Variants in TASP1 observed in about 807,000 individuals in gnomAD.
TASP1 encodes taspase 1.
Under a neutral mutation model 56.6 loss-of-function variants are expected in TASP1, and 16 were observed. That is an observed-to-expected ratio of 0.28 (90% CI 0.19 to 0.43). The LOEUF (loss-of-function observed/expected upper bound fraction) is 0.43, where lower values mean the gene tolerates loss of function less well. TASP1 is among the 20% of genes least tolerant of loss of function. TASP1 has a pLI of 1.00. For synonymous variants in TASP1, 179 were observed against 184.2 expected, an observed-to-expected ratio of 0.97 and a Z score of 0.23; for missense variants, 393 against 511.6, an observed-to-expected ratio of 0.77 and a Z score of 2.24.
At chr20:13,208,069 T>G in the TASP1 span, among the ~76,000 whole-genome samples, 1 of 152,254 alleles carries the variant, frequency 6.6e-6, no homozygotes, top group African/African-American at 2.4e-5. Flanking sequence ...AGTATCATTT[T>G]TCTTTGATCA....
intron 4 of TASP1, among the ~76,000 whole-genome samples, chr20:13,589,916 T>C (rs1057426361): frequency 6.6e-6 from 1 of 151,958 alleles, no homozygotes; most frequent in African/African-American, 2.4e-5. Context: ...AAAAAATAAA[T>C]AGATAAAAAT....
At chr20:13,199,271 C>T in the TASP1 span, among the ~76,000 whole-genome samples, 1 of 152,014 alleles carries the variant, frequency 6.6e-6, no homozygotes, top group Non-Finnish European at 1.5e-5. Context: ...GGCACATGCT[C>T]ATTATTCTCC....
chr20:13,334,703 TG>T, the TASP1 span, among the ~76,000 whole-genome samples: 2 of 152,210 alleles, frequency 1.3e-5, no homozygotes, highest in Non-Finnish European at 2.9e-5. Flanking sequence ...CTAAAGCACA[TG>T]GGTCTAGTAT....
chr20:13,348,426 C>T, the TASP1 span, among the ~76,000 whole-genome samples: 1 of 152,066 alleles, frequency 6.6e-6, no homozygotes, highest in Non-Finnish European at 1.5e-5. Flanking sequence ...TCTTTGGAAC[C>T]CCCCGTGGAA....
At chr20:13,440,385 A>T (rs180974003) in intron 11 of TASP1, among the ~76,000 whole-genome samples, 12 of 152,288 alleles carry the variant, frequency 7.9e-5, no homozygotes, top group African/African-American at 2.6e-4. Flanking sequence ...ATTCCAGATG[A>T]CACAGCTATG....
intron 11 of TASP1, 90 bp from the exon 12 acceptor site, chr20:13,435,244 ATG>A: frequency 1.0e-6 from 1 of 964,834 alleles, no homozygotes; most frequent in Non-Finnish European, 1.6e-6. Flanking sequence ...AAAATGTGGC[ATG>A]AATAAGAAAA....
the TASP1 span, among the ~76,000 whole-genome samples, chr20:13,281,703 T>C: frequency 2.6e-3 from 398 of 152,050 alleles, 1 homozygote; most frequent in African/African-American, 9.3e-3. Flanking sequence ...AGTGCTTAGG[T>C]TGGAAGATAG....
At chr20:13,408,682 G>A (rs1041419137) in intron 13 of TASP1, among the ~76,000 whole-genome samples, 3 of 152,068 alleles carry the variant, frequency 2.0e-5, no homozygotes, top group Admixed American at 2.0e-4. Flanking sequence ...TCTTAAATAT[G>A]TAAATGGTTA....
At chr20:13,505,537 A>G (rs2044098514) in intron 10 of TASP1, among the ~76,000 whole-genome samples, 1 of 152,174 alleles carries the variant, frequency 6.6e-6, no homozygotes, top group South Asian at 2.1e-4. Context: ...AAAAACTCTT[A>G]ACAAATTTAA....
chr20:13,123,019 C>T, the TASP1 span, among the ~76,000 whole-genome samples: 21,051 of 152,158 alleles, frequency 0.14, 2,315 homozygotes, highest in African/African-American at 0.31. Context: ...TTCTAAGAAT[C>T]TTTCAATTGG....
the TASP1 span, among the ~76,000 whole-genome samples, chr20:13,325,794 A>G: frequency 1.3e-5 from 2 of 152,226 alleles, no homozygotes; most frequent in Non-Finnish European, 1.5e-5. Context: ...GACTCTTAAC[A>G]GAAAATTTTT....
intron 2 of TASP1, among the ~76,000 whole-genome samples, chr20:13,625,584 C>T (rs185121498): frequency 1.3e-5 from 2 of 152,282 alleles, no homozygotes; most frequent in African/African-American, 4.8e-5. Flanking sequence ...CAGAAGGTGT[C>T]GGGGACAGGG....
chr20:13,622,150 T>C (rs1323116952), intron 4 of TASP1, among the ~76,000 whole-genome samples: 1 of 152,246 alleles, frequency 6.6e-6, no homozygotes, highest in African/African-American at 2.4e-5. Context: ...CTAACAGTTA[T>C]GGGGTGCTTA....
intron 12 of TASP1, among the ~76,000 whole-genome samples, chr20:13,430,805 T>G (rs919491903): frequency 3.3e-5 from 5 of 152,198 alleles, no homozygotes; most frequent in African/African-American, 1.2e-4. Flanking sequence ...ATACCTGAGA[T>G]TCTCCGATTC....
chr20:13,538,888 CA>C (rs894510210), intron 8 of TASP1, among the ~76,000 whole-genome samples: 42 of 145,548 alleles, frequency 2.9e-4, no homozygotes, highest in East Asian at 4.0e-4. Context: ...ACTACAAATA[CA>C]AAAAAAAAAA....
intron 10 of TASP1, among the ~76,000 whole-genome samples, chr20:13,509,474 A>C (rs757386848): frequency 4.8e-4 from 73 of 152,254 alleles, no homozygotes; most frequent in Non-Finnish European, 6.0e-4. Flanking sequence ...CTTTGCTGAG[A>C]GAGTAGATCT....
chr20:13,163,089 C>T, the TASP1 span, among the ~76,000 whole-genome samples: 2 of 152,050 alleles, frequency 1.3e-5, no homozygotes, highest in Non-Finnish European at 2.9e-5. Flanking sequence ...GAATAGAGGT[C>T]GGGCGCAGTG....
chr20:13,530,310 A>T lies in TASP1; in HGVS notation c.796-1799T>A, dbSNP rs952747457. ...GCGGGATACTCTCAATATGGTAGAC[A>T]TTGGGAAATCTGTTTACTGTTTCTG... On this transcript the variant is annotated intron_variant, in intron 9 of 13. Transcript: ENST00000337743. Among the ~76,000 whole-genome samples the T allele has an allele frequency of 2.0e-5, 3 of 152,340 alleles. No individual in the cohort carries two copies. The South Asian group carries it at 6.2e-4, about 32-fold the overall frequency.
At chr20:13,268,216 TTC>T in the TASP1 span, among the ~76,000 whole-genome samples, 2 of 149,680 alleles carry the variant, frequency 1.3e-5, no homozygotes, top group East Asian at 2.0e-4. Flanking sequence ...CTCTTGCTCC[TTC>T]TCTTTCTCTC....
Sources: gnomAD v4.1 joint callset for allele counts (sites outside exome capture counted in the v4.1 genomes callset) on GRCh38, gnomAD v4.1.1 for gene constraint, MANE v1.5 for transcripts, NCBI Gene and HGNC (gene_info 2026-07-23, HGNC 2026-07-21) for gene names.